Variants in DCLK1 observed in about 807,000 individuals in gnomAD.
DCLK1 encodes doublecortin like kinase 1, also known as serine/threonine-protein kinase DCLK1.
DCLK1 carries 16 observed loss-of-function variants against 86.2 expected under a neutral mutation model. The observed-to-expected ratio is 0.19, with a 90% CI of 0.13 to 0.28. The LOEUF (loss-of-function observed/expected upper bound fraction) is 0.28, where lower values mean the gene tolerates loss of function less well. Ranked by LOEUF, DCLK1 falls within the 10% of genes least tolerant of loss-of-function variation. DCLK1 has a pLI of 1.00. For missense variants in DCLK1, 590 were observed against 940.2 expected (o/e 0.63, Z 4.87); for synonymous variants, 369 against 370.5 (o/e 1.00, Z 0.05).
chr13:35,834,363 CAG>C (rs1869195802), intron 8 of DCLK1, among the ~76,000 whole-genome samples: 3 of 152,236 alleles, frequency 2.0e-5, no homozygotes, highest in African/African-American at 4.8e-5. Flanking sequence ...TCAGCTAAGC[CAG>C]AGTCTTATGG....
At chr13:36,012,506 T>C (rs1178868654) in intron 3 of DCLK1, among the ~76,000 whole-genome samples, 70 of 147,100 alleles carry the variant, frequency 4.8e-4, no homozygotes, top group African/African-American at 1.7e-3. Context: ...TGGCTGGATA[T>C]GAAATTCTGG....
intron 3 of DCLK1, among the ~76,000 whole-genome samples, chr13:36,081,042 C>T (rs1884403102): frequency 6.8e-6 from 1 of 146,678 alleles, no homozygotes; most frequent in Admixed American, 6.6e-5. Flanking sequence ...TCAGAAACTC[C>T]GCTTTCAATA....
chr13:35,894,230 T>A (rs952224950), intron 4 of DCLK1, among the ~76,000 whole-genome samples: 2 of 152,122 alleles, frequency 1.3e-5, no homozygotes, highest in African/African-American at 4.8e-5. Flanking sequence ...TTCCCCAACA[T>A]GCATGACCTT....
At position 35,917,344 on chromosome 13, in the gene DCLK1, CAAT is replaced by C. The variant is rs531163666; in HGVS notation, c.823+30011_823+30013del. ...CCCCTATAATTGCATATAACTAAAACAATAACGCTGGATGGAGGCAGGGTTTTG... is the reference window on the plus strand; with the variant it reads ...CCCCTATAATTGCATATAACTAAAACAACGCTGGATGGAGGCAGGGTTTTG... On this transcript the variant is annotated intron_variant, in intron 4 of 16. Transcript: ENST00000360631. 2.2e-3 allele frequency among the ~76,000 whole-genome samples: 340 copies of C among 152,264 alleles called. 3 individuals are homozygous for C. The highest frequency in any genetic ancestry group is 7.9e-3 in the African/African-American group (329 of 41,552).
intron 3 of DCLK1, among the ~76,000 whole-genome samples, chr13:36,100,202 A>C (rs67287698): frequency 0.14 from 18,225 of 131,306 alleles, 2,601 homozygotes; most frequent in East Asian, 0.38. Flanking sequence ...AAAAAAAAAA[A>C]AAAAAAAAAA....
chr13:35,833,554 A>G lies in DCLK1; in HGVS notation c.1229+2479T>C, dbSNP rs183121214. On this transcript the variant is annotated intron_variant, in intron 8 of 16. Coordinates refer to ENST00000360631, the MANE Select transcript of DCLK1 (RefSeq NM_001330071.2). ...GGAGCATGGGCAGAAATCTAAATGG[A>G]CCTAGCTGCCAAAGACTATGCCGGA... Among the ~76,000 whole-genome samples the G allele has an allele frequency of 1.9e-3, 282 of 152,290 alleles. 2 individuals carry two copies. The highest frequency in any genetic ancestry group is 6.3e-3 in the African/African-American group (261 of 41,556).
At chr13:35,914,330 AAAATATATATATATATATACATAT>A (rs1459438440) in intron 4 of DCLK1, among the ~76,000 whole-genome samples, 2 of 91,952 alleles carry the variant, frequency 2.2e-5, no homozygotes, top group African/African-American at 4.5e-5. Flanking sequence ...AGAAAAAAAA[AAAATATATATATATATATACATAT>A]ATATATATAT....
Position 36,087,361 on chromosome 13 carries a change from A to G in DCLK1, c.723+24508T>C, listed in dbSNP as rs570206985. ...TGGACTGCAAAGTACACAACAAAAC[A>G]GGGCATTTATCTTCAAGCACAGGTA... is the stretch of plus-strand genomic sequence containing the variant. On this transcript the variant is annotated intron_variant, in intron 3 of 16. Transcript: ENST00000360631. Among the ~76,000 whole-genome samples the G allele has an allele frequency of 3.9e-5, 6 of 152,360 alleles. No homozygotes were observed. The East Asian group carries it at 1.2e-3, about 29-fold the overall frequency.
intron 4 of DCLK1, among the ~76,000 whole-genome samples, chr13:35,880,663 T>C (rs1872833634): frequency 6.6e-6 from 1 of 152,146 alleles, no homozygotes; most frequent in Non-Finnish European, 1.5e-5. Flanking sequence ...AGTTGGTACA[T>C]TTGCTTTCCC....
chr13:35,865,470 C>T (rs886397283), intron 5 of DCLK1, among the ~76,000 whole-genome samples: 8 of 152,190 alleles, frequency 5.3e-5, no homozygotes, highest in Non-Finnish European at 1.0e-4. Flanking sequence ...AGGCTCTTTA[C>T]TCTTTTCATG....
At chr13:35,807,264 T>G (rs2087045586) in intron 14 of DCLK1, among the ~76,000 whole-genome samples, 1 of 152,222 alleles carries the variant, frequency 6.6e-6, no homozygotes, top group Non-Finnish European at 1.5e-5. Flanking sequence ...TCAACCATTT[T>G]CAAGTGCACA....
intron 5 of DCLK1, among the ~76,000 whole-genome samples, chr13:35,863,624 G>A (rs1372222496): frequency 3.9e-5 from 6 of 152,168 alleles, no homozygotes; most frequent in Non-Finnish European, 7.3e-5. Context: ...TTTTCTTGAT[G>A]CATTTTGTTC....
At chr13:35,787,303 A>C (rs541694627) in intron 16 of DCLK1, among the ~76,000 whole-genome samples, 84 of 151,550 alleles carry the variant, frequency 5.5e-4, no homozygotes, top group Admixed American at 2.8e-3. Context: ...TCAAATACTA[A>C]GATGTGGAGT....
At chr13:35,814,459 C>T (rs1420377570) in intron 11 of DCLK1, among the ~76,000 whole-genome samples, 2 of 152,306 alleles carry the variant, frequency 1.3e-5, no homozygotes, top group Non-Finnish European at 2.9e-5. Context: ...CTTGGCGTTC[C>T]TCCTTATTCT....
chr13:36,120,097 A>C (rs1885931399), intron 2 of DCLK1, among the ~76,000 whole-genome samples: 1 of 152,240 alleles, frequency 6.6e-6, no homozygotes, highest in Admixed American at 6.5e-5. Flanking sequence ...TATGACTTCC[A>C]TTAAAATATT....
At chr13:36,053,191 CATTG>C (rs1005016051) in intron 3 of DCLK1, among the ~76,000 whole-genome samples, 4 of 152,136 alleles carry the variant, frequency 2.6e-5, no homozygotes, top group African/African-American at 9.7e-5. Context: ...ATGCAACACA[CATTG>C]ATTGAGTGCC....
chr13:36,101,223 C>T (rs953670305), intron 3 of DCLK1, among the ~76,000 whole-genome samples: 1 of 152,214 alleles, frequency 6.6e-6, no homozygotes, highest in Non-Finnish European at 1.5e-5. Context: ...ATCTCTTCCT[C>T]GGGATCCGTG....
At chr13:35,920,990 C>T (rs1875768945) in intron 4 of DCLK1, among the ~76,000 whole-genome samples, 1 of 152,136 alleles carries the variant, frequency 6.6e-6, no homozygotes, top group African/African-American at 2.4e-5. Flanking sequence ...CCACGGCCAA[C>T]AGCCCACAGC....
intron 3 of DCLK1, among the ~76,000 whole-genome samples, chr13:36,101,069 G>A (rs1354378744): frequency 6.6e-6 from 1 of 152,118 alleles, no homozygotes; most frequent in Admixed American, 6.6e-5. Context: ...ATCTAAAATC[G>A]GTTCTCAGGA....
Sources: allele counts gnomAD v4.1 joint callset (sites outside exome capture counted in the v4.1 genomes callset), GRCh38; gene constraint gnomAD v4.1.1; transcripts MANE v1.5; gene names NCBI Gene and HGNC (gene_info 2026-07-23, HGNC 2026-07-21).